Variants in PTPN21 observed in about 807,000 individuals in gnomAD.
PTPN21 encodes tyrosine-protein phosphatase non-receptor type 21.
Under a neutral mutation model 131.8 loss-of-function variants are expected in PTPN21, and 77 were observed. The ratio of observed to expected loss-of-function variants is 0.58; its 90% CI spans 0.49 to 0.71. The LOEUF (loss-of-function observed/expected upper bound fraction) is 0.71, where lower values mean the gene tolerates loss of function less well. Among genes scored for constraint, PTPN21 ranks in the 30% least tolerant of loss-of-function variants. The pLI is 0.00. For synonymous variants in PTPN21, 715 were observed against 621.3 expected (o/e 1.15, Z -2.24); for missense variants, 1,552 against 1,527.1 (o/e 1.02, Z -0.27).
Position 88,550,270 on chromosome 14 carries a change from C to T in PTPN21, c.148G>A (p.Glu50Lys). The change falls in exon 2 of 19, where the codon GAG becomes AAG. Residue 50 changes from glutamate to lysine, a missense_variant. Physicochemically the swap from Glu to Lys is moderately conservative, Grantham distance 56. Around this residue, in one of 4 missense-constraint regions of PTPN21, gnomAD observed 206 missense variants for 221.6 expected, o/e 0.93. Transcript: ENST00000556564. ...SVESTGQESL[E>K]AVAQRLELRE... ...AGCTCCAGCCTCTGGGCCACGGCCT[C>T]GAGGCTTTCCTGGCCAGTGCTCTCC... 6.2e-7 allele frequency: 1 copy of T among 1,614,090 alleles called. No individual in the cohort carries two copies. The highest frequency in any genetic ancestry group is 8.5e-7 in the Non-Finnish European group (1 of 1,180,006).
rs761965603 is a variant in PTPN21, at chr14:88,479,921, A to C, written c.1510T>G (p.Ser504Ala). Residue 504 changes from serine to alanine, a missense_variant, in exon 13 of 19, where the codon TCG becomes GCG. Ser to Ala is a moderately conservative substitution (Grantham distance 99, BLOSUM62 1). Around this residue, in one of 4 missense-constraint regions of PTPN21, gnomAD observed 1,016 missense variants for 883.5 expected, o/e 1.15. Coordinates refer to ENST00000556564, the MANE Select transcript of PTPN21 (RefSeq NM_007039.4). ...AACGGGCAGTGTGCGGCCGCTGGCG[A>C]GGGGAGCTGTGCGTGCTCGCGGATC... ...PEIREHAQLP[S>A]PAAAHCPFSL... The C allele has an allele frequency of 3.7e-6, 6 of 1,603,184 alleles. No individual in the cohort carries two copies. The South Asian group carries it at 6.6e-5, about 18-fold the overall frequency.
rs922101058 is a variant in PTPN21 at position 88,469,203 on chromosome 14, C to T, written c.3236-127G>A. Reference sequence around the variant, plus strand: ...TAAAGAGCACTGGGTGCCAGTGAACCAAACCCAACCACAAAGGGACAGTGT... The same window carrying T: ...TAAAGAGCACTGGGTGCCAGTGAACTAAACCCAACCACAAAGGGACAGTGT... On this transcript the variant is annotated intron_variant, in intron 17 of 18. Coordinates refer to ENST00000556564, the MANE Select transcript of PTPN21 (RefSeq NM_007039.4). The surrounding 1 kb of genome is among the most constrained non-coding windows in gnomAD (Gnocchi z 4.3). 2.0e-5 allele frequency: 20 copies of T among 1,006,012 alleles called. No homozygotes were observed. Among genetic ancestry groups the T allele is most frequent in the Middle Eastern group, 5.0e-4 (2 of 4,010 alleles). The allele number at this position is 1,006,012 out of a possible 1,614,324, so 62.3% of individuals were successfully genotyped here.
chr14:88,468,389 G>T, intron 18 of PTPN21, 124 bp from the exon 19 acceptor site: 1 of 945,750 alleles, frequency 1.1e-6, no homozygotes, highest in South Asian at 1.9e-5. Context: ...CCACCTTAGC[G>T]TCTTCTAGAA....
At chr14:88,524,645 G>A (rs1417851367) in intron 2 of PTPN21, among the ~76,000 whole-genome samples, 1 of 152,156 alleles carries the variant, frequency 6.6e-6, no homozygotes, top group Non-Finnish European at 1.5e-5. Context: ...AGTGGCTGAT[G>A]CCTGTAATCC....
At chr14:88,518,016 C>G (rs189347139) in intron 2 of PTPN21, among the ~76,000 whole-genome samples, 1,860 of 146,008 alleles carry the variant, frequency 0.013, 39 homozygotes, top group African/African-American at 0.042. Context: ...TTGAGTAGCC[C>G]CCACTACATT....
At chr14:88,497,639 C>T (rs532049937) in intron 8 of PTPN21, among the ~76,000 whole-genome samples, 1 of 151,874 alleles carries the variant, frequency 6.6e-6, no homozygotes, top group Non-Finnish European at 1.5e-5. Context: ...ACTCGCCAGG[C>T]GTGGTAGCAG....
intron 2 of PTPN21, among the ~76,000 whole-genome samples, chr14:88,545,808 A>G (rs1385264336): frequency 6.6e-6 from 1 of 152,058 alleles, no homozygotes; most frequent in Non-Finnish European, 1.5e-5. Flanking sequence ...TAAAAATACA[A>G]AATTAGCCGG....
chr14:88,486,614 T>G (rs1026995609), intron 10 of PTPN21, among the ~76,000 whole-genome samples: 5 of 152,170 alleles, frequency 3.3e-5, no homozygotes, highest in African/African-American at 1.2e-4. Context: ...CTTGGTTCAG[T>G]GAGCCGATGG....
chr14:88,492,104 T>C (rs896272219), intron 10 of PTPN21, among the ~76,000 whole-genome samples: 4 of 151,500 alleles, frequency 2.6e-5, no homozygotes, highest in Admixed American at 2.6e-4. Flanking sequence ...GGATGCCTCA[T>C]GGAAAGGGAT....
rs190707390 is a variant in PTPN21 at position 88,503,241 on chromosome 14, T to A, written c.587+1184A>T. On this transcript the variant is annotated intron_variant, in intron 6 of 18. Coordinates refer to ENST00000556564, the MANE Select transcript of PTPN21 (RefSeq NM_007039.4). The stretch of plus-strand genomic sequence containing the variant: ...AGTGGAGACAGGGTTTCAACATGTT[T>A]GCCAGGATGGTCTCGATCTCCTGAC... Among the ~76,000 whole-genome samples the A allele has an allele frequency of 2.6e-5, 4 of 152,088 alleles. No homozygotes were observed. The East Asian group carries it at 5.8e-4, about 22-fold the overall frequency.
chr14:88,502,967 G>A (rs1317629395), intron 6 of PTPN21, among the ~76,000 whole-genome samples: 1 of 152,064 alleles, frequency 6.6e-6, no homozygotes. Flanking sequence ...TATTTTATTT[G>A]GAAGGGGATA....
chr14:88,513,002 A>G (rs2078209085), intron 3 of PTPN21, among the ~76,000 whole-genome samples: 1 of 152,136 alleles, frequency 6.6e-6, no homozygotes, highest in Non-Finnish European at 1.5e-5. Context: ...ACCTCTTTAT[A>G]TAGTCTATAA....
At chr14:88,484,335 T>C (rs816072) in intron 12 of PTPN21, among the ~76,000 whole-genome samples, 83,890 of 151,776 alleles carry the variant, frequency 0.55, 25,490 homozygotes, top group Admixed American at 0.7. Flanking sequence ...TATAGCCCCA[T>C]ACAGAGAGAG....
At position 88,494,026 on chromosome 14, in the gene PTPN21, GCAAA is replaced by G. The variant is rs374937965; in HGVS notation, c.932+2383_932+2386del. 2.7e-3 allele frequency among the ~76,000 whole-genome samples: 410 copies of G among 152,186 alleles called. 2 individuals are homozygous for G. The highest frequency in any genetic ancestry group is 0.015 in the East Asian group (76 of 5,162). Reference sequence around the variant, plus strand: ...GCTAACCTGCTGGCAGGGGATACAGGCAAACAAACAAACAAACAAATATAGAAAT... The same window carrying G: ...GCTAACCTGCTGGCAGGGGATACAGGCAAACAAACAAACAAATATAGAAAT... On this transcript the variant is annotated intron_variant, in intron 10 of 18. Coordinates refer to ENST00000556564, the MANE Select transcript of PTPN21 (RefSeq NM_007039.4).
chr14:88,543,192 G>GT (rs2078730301), intron 2 of PTPN21, among the ~76,000 whole-genome samples: 1 of 152,140 alleles, frequency 6.6e-6, no homozygotes, highest in Non-Finnish European at 1.5e-5. Flanking sequence ...TATGGTTTGC[G>GT]TTATATGCTT....
chr14:88,507,399 T>C (rs2078107797), intron 4 of PTPN21, among the ~76,000 whole-genome samples: 1 of 152,178 alleles, frequency 6.6e-6, no homozygotes, highest in Admixed American at 6.5e-5. Context: ...TGGTGCAGCC[T>C]ACTCCACACC....
In PTPN21 at chr14:88,510,526, C is replaced by T. The variant is rs144415492; in HGVS notation, c.351-2506G>A. ...GACCCAAAGGTCTTGTTCTTAACCA[C>T]GACAAATCTACAGTTATAGATATTT... is the stretch of plus-strand genomic sequence containing the variant. On this transcript the variant is annotated intron_variant, in intron 3 of 18. Transcript: ENST00000556564. 7.7e-4 allele frequency among the ~76,000 whole-genome samples: 118 copies of T among 152,280 alleles called. 1 individual carries two copies. The South Asian group carries it at 0.012, about 16-fold the overall frequency.
At chr14:88,480,875 A>G (rs906151156) in intron 12 of PTPN21, among the ~76,000 whole-genome samples, 4 of 152,240 alleles carry the variant, frequency 2.6e-5, no homozygotes, top group African/African-American at 9.6e-5. Context: ...CAACAGTGTC[A>G]CCAGCAGCCA....
chr14:88,473,686 G>A lies in PTPN21; in HGVS notation c.2628C>T (p.Thr876=), dbSNP rs779981614. The change falls in exon 14 of 19, where the codon ACC becomes ACT. Residue 876 remains threonine, a synonymous_variant. Transcript: ENST00000556564. ...ATACCCTTTCATCATTCGTTGCTCT[G>A]GTAGCCACTTCCTTTCCTTCATCAG... is the stretch of plus-strand genomic sequence containing the variant. The part of the protein sequence containing the change: ...PLPDEGKEVA[T]RATNDERCKI... The A allele has an allele frequency of 3.7e-6, 6 of 1,613,012 alleles. No homozygotes were observed. The South Asian group carries it at 5.5e-5, about 15-fold the overall frequency.
Sources: gnomAD v4.1 joint callset for allele counts (sites outside exome capture counted in the v4.1 genomes callset) on GRCh38, gnomAD v4.1.1 for gene constraint, gnomAD v4.1.1 regional missense constraint, Gnocchi (gnomAD v3.1) non-coding constraint, MANE v1.5 for transcripts, NCBI Gene and HGNC (gene_info 2026-07-23, HGNC 2026-07-21) for gene names.